Variants in HMCN1 observed in about 807,000 individuals in gnomAD.
HMCN1 encodes the protein hemicentin 1, also known as hemicentin-1.
Under a neutral mutation model 625.9 loss-of-function variants are expected in HMCN1, and 321 were observed. The observed-to-expected ratio is 0.51, with a 90% CI of 0.47 to 0.56. The LOEUF (loss-of-function observed/expected upper bound fraction) is 0.56. HMCN1 is among the 20% of genes least tolerant of loss of function. The probability of loss-of-function intolerance (pLI) is 0.00; values close to 1 mark genes in which losing one functional copy is unlikely to be tolerated. For synonymous variants in HMCN1, 2,425 were observed against 2,417.6 expected (o/e 1.00, Z -0.09); for missense variants, 6,588 against 6,887.3 (o/e 0.96, Z 1.54).
rs201061857 is a variant in HMCN1, at chr1:186,062,631, T to TC, written c.7513+37dup. 1.9e-3 allele frequency: 2,615 copies of TC among 1,410,752 alleles called. 15 individuals carry two copies. The highest frequency in any genetic ancestry group is 0.016 in the African/African-American group (1,165 of 70,800). 87.4% of individuals were successfully genotyped at this position (1,410,752 alleles called of 1,614,324 possible). On this transcript the variant is annotated intron_variant, in intron 48 of 106. Transcript: ENST00000271588. ...GGCTCAGCTCTCAGACTTTTGGTGC[T>TC]CCCCCCACTCACTGATAGTCATTGC...
At chr1:185,770,806 G>T (rs1656189933) in intron 1 of HMCN1, among the ~76,000 whole-genome samples, 1 of 152,178 alleles carries the variant, frequency 6.6e-6, no homozygotes, top group Non-Finnish European at 1.5e-5. Context: ...GACTGGGCAG[G>T]AAACAAAAAT....
chr1:186,111,385 C>T (rs998941675), intron 71 of HMCN1, among the ~76,000 whole-genome samples: 3 of 151,928 alleles, frequency 2.0e-5, no homozygotes, highest in African/African-American at 4.8e-5. Context: ...TGTGGTGGTT[C>T]GTGCTGTAAT....
At chr1:186,159,722 T>G (rs1030442735) in intron 97 of HMCN1, among the ~76,000 whole-genome samples, 27 of 152,330 alleles carry the variant, frequency 1.8e-4, no homozygotes, top group African/African-American at 6.3e-4. Flanking sequence ...TAGATTACAT[T>G]TATTGATTTG....
At chr1:185,924,165 A>C (rs1667144502) in intron 8 of HMCN1, among the ~76,000 whole-genome samples, 1 of 139,266 alleles carries the variant, frequency 7.2e-6, no homozygotes, top group African/African-American at 2.7e-5. Flanking sequence ...ATTTCAGCTT[A>C]GCTGTACTTG....
At chr1:185,863,771 A>G (rs1340629705) in intron 2 of HMCN1, among the ~76,000 whole-genome samples, 1 of 152,242 alleles carries the variant, frequency 6.6e-6, no homozygotes, top group Non-Finnish European at 1.5e-5. Flanking sequence ...CACAGAGATT[A>G]TAGGTTAATA....
chr1:186,164,633 A>T (rs1651761196), intron 97 of HMCN1, among the ~76,000 whole-genome samples: 1 of 152,172 alleles, frequency 6.6e-6, no homozygotes, highest in Admixed American at 6.5e-5. Context: ...GGGGATTTTG[A>T]CCCAAATGCT....
intron 13 of HMCN1, among the ~76,000 whole-genome samples, 182 bp downstream of exon 13, chr1:185,964,077 A>T (rs1650229562): frequency 6.6e-6 from 1 of 152,180 alleles, no homozygotes; most frequent in Admixed American, 6.6e-5. Context: ...TCATAGAGTG[A>T]AAAGCTTCAT....
At chr1:185,903,424 T>G (rs1222464577) in intron 4 of HMCN1, among the ~76,000 whole-genome samples, 3 of 151,790 alleles carry the variant, frequency 2.0e-5, no homozygotes, top group Non-Finnish European at 2.9e-5. Flanking sequence ...CTATATAAAC[T>G]GAGTAAAATT....
chr1:185,745,754 C>T (rs898646460), intron 1 of HMCN1, among the ~76,000 whole-genome samples: 1 of 152,180 alleles, frequency 6.6e-6, no homozygotes, highest in Admixed American at 6.5e-5. Flanking sequence ...TATCACTCCT[C>T]AACATTTCCA....
chr1:186,186,994 TCACACACA>T (rs371455899), intron 105 of HMCN1, among the ~76,000 whole-genome samples: 30,430 of 134,474 alleles, frequency 0.23, 3,552 homozygotes, highest in Middle Eastern at 0.27. Context: ...TGTCTCTGTC[TCACACACA>T]CACACACACA....
chr1:186,014,864 T>C (rs1356455892), intron 30 of HMCN1, among the ~76,000 whole-genome samples: 1 of 152,096 alleles, frequency 6.6e-6, no homozygotes, highest in African/African-American at 2.4e-5. Context: ...TTATTTTGTT[T>C]TGCTTTGTTG....
chr1:185,951,511 T>C (rs1227724927), intron 11 of HMCN1, among the ~76,000 whole-genome samples: 28 of 149,430 alleles, frequency 1.9e-4, no homozygotes, highest in South Asian at 6.4e-4. Flanking sequence ...CGAAGCTCAG[T>C]GTCCATGATG....
chr1:185,963,545 G>A (rs1650179661), intron 12 of HMCN1, among the ~76,000 whole-genome samples: 1 of 152,052 alleles, frequency 6.6e-6, no homozygotes, highest in African/African-American at 2.4e-5. Flanking sequence ...TAAATGTAAA[G>A]TTTCTAGAGC....
chr1:186,063,051 TG>T (rs1657819968), intron 48 of HMCN1, among the ~76,000 whole-genome samples: 5 of 113,640 alleles, frequency 4.4e-5, no homozygotes, highest in African/African-American at 1.8e-4. Flanking sequence ...TGTGTGTGTG[TG>T]TGTGTGTGTG....
intron 5 of HMCN1, among the ~76,000 whole-genome samples, chr1:185,910,673 CGA>C (rs1666363263): frequency 6.6e-6 from 1 of 151,254 alleles, no homozygotes; most frequent in Admixed American, 6.6e-5. Flanking sequence ...TGGGTTCAAA[CGA>C]TTCTCCTGCC....
intron 1 of HMCN1, among the ~76,000 whole-genome samples, chr1:185,752,617 A>C (rs1654887842): frequency 6.6e-6 from 1 of 152,098 alleles, no homozygotes; most frequent in Admixed American, 6.6e-5. Context: ...GTCACTTCTC[A>C]TATCTTCACA....
chr1:185,762,060 G>A (rs373284877), intron 1 of HMCN1, among the ~76,000 whole-genome samples: 9 of 152,070 alleles, frequency 5.9e-5, no homozygotes, highest in Admixed American at 1.3e-4. Flanking sequence ...AAGAATTTCC[G>A]TGTAGGATAC....
chr1:185,837,131 T>A (rs1661219423), intron 1 of HMCN1, among the ~76,000 whole-genome samples: 1 of 151,614 alleles, frequency 6.6e-6, no homozygotes, highest in African/African-American at 2.4e-5. Context: ...TCTTGGCAAT[T>A]GTGAATAGTG....
At chr1:185,946,426 G>A (rs1426288257) in intron 11 of HMCN1, among the ~76,000 whole-genome samples, 4 of 152,144 alleles carry the variant, frequency 2.6e-5, no homozygotes, top group African/African-American at 4.8e-5. Flanking sequence ...AACTTCAGAA[G>A]TCTCCTTCTA....
Sources: gnomAD v4.1 joint callset for allele counts (sites outside exome capture counted in the v4.1 genomes callset) on GRCh38, gnomAD v4.1.1 for gene constraint, MANE v1.5 for transcripts, NCBI Gene and HGNC (gene_info 2026-07-23, HGNC 2026-07-21) for gene names.